The following ST7L variants were observed in gnomAD, a reference collection of about 807,000 sequenced individuals.
The protein encoded by ST7L is suppression of tumorigenicity 7 like, also known as suppressor of tumorigenicity 7 protein-like.
A neutral mutation model predicts 72.5 loss-of-function variants in ST7L; 57 were observed. That is an observed-to-expected ratio of 0.79 (90% CI 0.64 to 0.98). The LOEUF (loss-of-function observed/expected upper bound fraction) is 0.98, where lower values mean the gene tolerates loss of function less well. Among genes scored for constraint, ST7L ranks in the 50% least tolerant of loss-of-function variants. ST7L has a pLI of 0.00. For synonymous variants in ST7L, 221 were observed against 240.9 expected, an observed-to-expected ratio of 0.92 and a Z score of 0.77; for missense variants, 576 against 672.2, an observed-to-expected ratio of 0.86 and a Z score of 1.58.
At chr1:112,537,114 G>C (rs774061555) in intron 14 of ST7L, among the ~76,000 whole-genome samples, 1 of 151,886 alleles carries the variant, frequency 6.6e-6, no homozygotes, top group Non-Finnish European at 1.5e-5. Context: ...TCCTGCCTCA[G>C]CCTCCCAAGT....
chr1:112,542,814 TGAA>T (rs1275686965), intron 13 of ST7L, among the ~76,000 whole-genome samples: 30 of 151,934 alleles, frequency 2.0e-4, no homozygotes, highest in African/African-American at 5.8e-4. Context: ...CTTTTTTTTT[TGAA>T]GAAGAAGAGT....
intron 12 of ST7L, 35 bp from the exon 13 acceptor site, chr1:112,550,728 C>T (rs1657976065): frequency 2.0e-6 from 3 of 1,535,302 alleles, no homozygotes; most frequent in African/African-American, 1.4e-5. Context: ...ATACTCAATT[C>T]TGTCTCATTT....
chr1:112,611,671 G>C (rs1481709736), intron 2 of ST7L, among the ~76,000 whole-genome samples: 1 of 152,096 alleles, frequency 6.6e-6, no homozygotes, highest in Non-Finnish European at 1.5e-5. Flanking sequence ...CAGACACGGT[G>C]GTTCACGTCT....
chr1:112,572,771 AGTTAAAATTG>A (rs1327377622), intron 11 of ST7L, among the ~76,000 whole-genome samples: 3 of 152,172 alleles, frequency 2.0e-5, no homozygotes, highest in Non-Finnish European at 4.4e-5. Context: ...TATAGTATGC[AGTTAAAATTG>A]TGTTGAGAGA....
chr1:112,526,355 A>G (rs1653389407), intron 14 of ST7L: 2 of 417,868 alleles, frequency 4.8e-6, no homozygotes, highest in Non-Finnish European at 8.5e-6. Flanking sequence ...TCAGATTAAC[A>G]TTAAAAATTT....
chr1:112,556,979 AAAAAAC>A lies in ST7L; in HGVS notation c.1246-967_1246-962del, dbSNP rs1253195345. ...GAGACTCTGTCTCAAAAAAAAAAAA[AAAAAAC>A]AAAAAAAAAAAAACACAAAGAAAAG... On this transcript the variant is annotated intron_variant, in intron 11 of 14. Coordinates refer to ENST00000358039, the MANE Select transcript of ST7L (RefSeq NM_017744.5). 1.8e-3 allele frequency among the ~76,000 whole-genome samples: 239 copies of A among 129,770 alleles called. 14 individuals are homozygous for A. The highest frequency in any genetic ancestry group is 7.4e-3 in the African/African-American group (186 of 25,108). The allele number at this position is 129,770 out of a possible 152,430, so 85.1% of individuals were successfully genotyped here. A position where few individuals can be genotyped will look rare whatever the true frequency, so the allele number is the denominator to read the frequency against.
intron 14 of ST7L, chr1:112,540,156 T>G (rs1570907296): frequency 1.0e-6 from 1 of 985,426 alleles, no homozygotes; most frequent in Non-Finnish European, 1.2e-6. Context: ...AATATACTAC[T>G]AACAGTTGGT....
At chr1:112,585,079 T>C (rs1664675255) in intron 6 of ST7L, among the ~76,000 whole-genome samples, 1 of 152,218 alleles carries the variant, frequency 6.6e-6, no homozygotes, top group African/African-American at 2.4e-5. Context: ...ACTATGCTTA[T>C]GCCAAGTTTT....
chr1:112,618,271 A>G, intron 1 of ST7L: 2 of 1,063,236 alleles, frequency 1.9e-6, no homozygotes, highest in Non-Finnish European at 1.1e-6. Flanking sequence ...TCAGCACAGA[A>G]TACGTAGCAA....
At chr1:112,578,002 ACTTT>A (rs1663422145) in intron 10 of ST7L, among the ~76,000 whole-genome samples, 1 of 151,814 alleles carries the variant, frequency 6.6e-6, no homozygotes, top group African/African-American at 2.4e-5. Flanking sequence ...TGGTGTGTGT[ACTTT>A]CTTTCTAGAT....
intron 12 of ST7L, among the ~76,000 whole-genome samples, chr1:112,552,003 T>C (rs1557966168): frequency 6.6e-6 from 1 of 152,152 alleles, no homozygotes; most frequent in Non-Finnish European, 1.5e-5. Context: ...TTTACCCAAT[T>C]ATTTTAGTTC....
intron 11 of ST7L, among the ~76,000 whole-genome samples, chr1:112,569,230 G>A (rs1050390610): frequency 6.6e-6 from 1 of 152,258 alleles, no homozygotes; most frequent in Non-Finnish European, 1.5e-5. Context: ...ATACTTGAGA[G>A]AATTGAAAAA....
intron 11 of ST7L, chr1:112,571,413 C>G: frequency 2.7e-6 from 1 of 375,368 alleles, no homozygotes. Context: ...ATCTATCTAT[C>G]TATATATCTA....
chr1:112,613,152 G>A (rs1333944591), intron 2 of ST7L, among the ~76,000 whole-genome samples: 1 of 151,888 alleles, frequency 6.6e-6, no homozygotes, highest in Non-Finnish European at 1.5e-5. Flanking sequence ...TACCATCAAG[G>A]GCAACAACAA....
Position 112,552,684 on chromosome 1 carries a change from G to A in ST7L, c.1397-1991C>T, listed in dbSNP as rs139645255. Among the ~76,000 whole-genome samples, 415 of 152,292 alleles carry A rather than the reference G, an allele frequency of 2.7e-3. 1 individual carries two copies. Among genetic ancestry groups the A allele is most frequent in the African/African-American group, 9.5e-3 (393 of 41,568 alleles). The stretch of plus-strand genomic sequence containing the variant: ...CTCCCAAAGTTCTGGGATTACAGGC[G>A]TGAACCACCATGCCCAGCCTAGACT... On this transcript the variant is annotated intron_variant, in intron 12 of 14. Coordinates refer to ENST00000358039, the MANE Select transcript of ST7L (RefSeq NM_017744.5).
At position 112,555,878 on chromosome 1, in the gene ST7L, T is replaced by G. The variant is rs376972235; in HGVS notation, c.1386A>C (p.Thr462=). The G allele has an allele frequency of 2.4e-4, 382 of 1,573,260 alleles. 2 individuals carry two copies. The Middle Eastern group carries it at 3.2e-3, about 13-fold the overall frequency. Residue 462 remains threonine, a synonymous_variant, in exon 12 of 15, where the codon ACA becomes ACC. Transcript: ENST00000358039. ...IEGALNLLQC[T]WEGTFRMIPY... ...GAAAAGAATACTTACTGCCTTCCCA[T>G]GTACACTGTAACAGATTAAGAGCAC...
intron 2 of ST7L, among the ~76,000 whole-genome samples, chr1:112,612,752 T>A (rs114607274): frequency 0.02 from 3,045 of 152,132 alleles, 105 homozygotes; most frequent in African/African-American, 0.069. Flanking sequence ...AGAAGTGAGA[T>A]AAAACTTCTT....
chr1:112,610,255 T>C (rs1468385317), intron 3 of ST7L, among the ~76,000 whole-genome samples: 1 of 152,154 alleles, frequency 6.6e-6, no homozygotes, highest in East Asian at 1.9e-4. Flanking sequence ...GTGGATATGA[T>C]GGCTGAAGCA....
At chr1:112,606,071 C>T (rs557416489) in intron 3 of ST7L, among the ~76,000 whole-genome samples, 15 of 152,306 alleles carry the variant, frequency 9.8e-5, no homozygotes, top group Admixed American at 9.8e-4. Flanking sequence ...AGTGTGTTTG[C>T]TCGTGTAAAC....
Sources: allele counts gnomAD v4.1 joint callset (sites outside exome capture counted in the v4.1 genomes callset), GRCh38; gene constraint gnomAD v4.1.1; transcripts MANE v1.5; gene names NCBI Gene and HGNC (gene_info 2026-07-23, HGNC 2026-07-21).